APLP2: variants seen among roughly 807,000 people sequenced by gnomAD.
The protein encoded by APLP2 is CDEI box-binding protein.
Under a neutral mutation model 89.9 loss-of-function variants are expected in APLP2, and 53 were observed. That is an observed-to-expected ratio of 0.59 (90% CI 0.47 to 0.74). The LOEUF (loss-of-function observed/expected upper bound fraction) is 0.74, where lower values mean the gene tolerates loss of function less well. Ranked by LOEUF, APLP2 falls within the 30% of genes least tolerant of loss-of-function variation. The pLI is 0.00. For synonymous variants in APLP2, 372 were observed against 348.6 expected (o/e 1.07, Z -0.75); for missense variants, 973 against 975.9 (o/e 1.00, Z 0.04).
At chr11:130,132,336 A>G (rs1565598285) in intron 11 of APLP2, among the ~76,000 whole-genome samples, 1 of 152,240 alleles carries the variant, frequency 6.6e-6, no homozygotes. Flanking sequence ...TCAGTCTACA[A>G]TAAAAGCATC....
intron 1 of APLP2, among the ~76,000 whole-genome samples, chr11:130,094,044 C>T (rs1427029058): frequency 2.7e-5 from 4 of 145,580 alleles, no homozygotes; most frequent in Admixed American, 6.8e-5. Context: ...CACTCCCGGC[C>T]GTATTTTTTT....
chr11:130,121,647 T>A lies in APLP2; in HGVS notation c.550T>A (p.Tyr184Asn), dbSNP rs770454146. 2 of 1,614,162 alleles carry A rather than the reference T, an allele frequency of 1.2e-6. No homozygotes were observed. Among genetic ancestry groups the A allele is most frequent in the Admixed American group, 3.3e-5 (2 of 60,024 alleles). The stretch of plus-strand genomic sequence containing the variant: ...GACTCAGGGAATGACCTTATATAGC[T>A]ACGGCATGCTGCTCCCATGTGGGGT... ...CLTQGMTLYS[Y>N]GMLLPCGVDQ... Residue 184 changes from tyrosine (Y) to asparagine (N), a missense_variant, in exon 5 of 17, where the codon TAC becomes AAC. By Grantham distance (143) the Tyr-to-Asn change is moderately radical. Transcript: ENST00000338167.
chr11:130,135,132 G>T (rs1264979950), intron 12 of APLP2, among the ~76,000 whole-genome samples: 1 of 149,752 alleles, frequency 6.7e-6, no homozygotes, highest in Admixed American at 6.6e-5. Context: ...ACAGCATGAG[G>T]ACTGTAGTTA....
At chr11:130,140,559 C>G (rs1177719437) in intron 14 of APLP2, 76 bp downstream of exon 14, 2 of 1,233,764 alleles carry the variant, frequency 1.6e-6, no homozygotes, top group East Asian at 2.5e-5. Context: ...ATGTCAGATG[C>G]TTCCAGGTGC....
rs892125341 is a variant in APLP2, at chr11:130,143,460, C to T, written c.*12C>T. ...AGATGCAGATTTAGGTGGCAGGGAGCGCGGCAGCCCTGGCGGAGGGATGCA... is the reference window on the plus strand; with the variant it reads ...AGATGCAGATTTAGGTGGCAGGGAGTGCGGCAGCCCTGGCGGAGGGATGCA... On this transcript the variant is annotated 3_prime_UTR_variant, in exon 17 of 17. Coordinates refer to ENST00000338167, the MANE Select transcript of APLP2 (RefSeq NM_001142276.2). The T allele has an allele frequency of 9.3e-6, 15 of 1,606,256 alleles. No homozygotes were observed. The highest frequency in any genetic ancestry group is 2.2e-5 in the East Asian group (1 of 44,830).
intron 1 of APLP2, among the ~76,000 whole-genome samples, chr11:130,083,026 CTTTTTTTTTTTT>C (rs553962550): frequency 5.5e-5 from 4 of 72,524 alleles, no homozygotes; most frequent in East Asian, 4.7e-4. Context: ...CTTTTCTTTT[CTTTTTTTTTTTT>C]TTTTTTTTTT....
intron 13 of APLP2, chr11:130,137,145 G>T: frequency 3.1e-6 from 3 of 977,328 alleles, no homozygotes; most frequent in South Asian, 2.8e-5. Context: ...AATACTTTTT[G>T]TTCACATTAT....
At chr11:130,134,791 A>G (rs115570615) in intron 12 of APLP2, among the ~76,000 whole-genome samples, 13,703 of 152,188 alleles carry the variant, frequency 0.09, 738 homozygotes, top group Admixed American at 0.12. Context: ...GGCTGCGCCC[A>G]GGGCTGCGTG....
chr11:130,073,409 G>T (rs1941492522), intron 1 of APLP2, among the ~76,000 whole-genome samples: 1 of 152,178 alleles, frequency 6.6e-6, no homozygotes, highest in Non-Finnish European at 1.5e-5. Context: ...TTTATTAGCA[G>T]AATTTTTTAA....
intron 1 of APLP2, among the ~76,000 whole-genome samples, chr11:130,099,197 G>A (rs866513810): frequency 1.3e-5 from 2 of 152,102 alleles, no homozygotes; most frequent in African/African-American, 4.8e-5. Flanking sequence ...GGTTTGCTTT[G>A]GAGTCACAGT....
rs190034250 is a variant in APLP2 at position 130,078,605 on chromosome 11, C to T, written c.105+8523C>T. On this transcript the variant is annotated intron_variant, in intron 1 of 16. Coordinates refer to ENST00000338167, the MANE Select transcript of APLP2 (RefSeq NM_001142276.2). Reference sequence around the variant, plus strand: ...TGGGGAACTTTATTTTTTTGCCTTTCGCTTTTGGAGCTATAATTTATCTGG... The same window carrying T: ...TGGGGAACTTTATTTTTTTGCCTTTTGCTTTTGGAGCTATAATTTATCTGG... 7.9e-5 allele frequency among the ~76,000 whole-genome samples: 12 copies of T among 151,938 alleles called. No individual in the cohort carries two copies. The East Asian group carries it at 1.2e-3, about 15-fold the overall frequency.
At chr11:130,091,375 C>T (rs1945128918) in intron 1 of APLP2, among the ~76,000 whole-genome samples, 1 of 148,464 alleles carries the variant, frequency 6.7e-6, no homozygotes, top group Non-Finnish European at 1.5e-5. Flanking sequence ...GGCCGACCCC[C>T]CTACCTCCCT....
In APLP2 at chr11:130,069,913, T is replaced by C; in HGVS notation, c.-65T>C. 8.1e-7 allele frequency: 1 copy of C among 1,235,352 alleles called. No homozygotes were observed. 76.5% of individuals were successfully genotyped at this position (1,235,352 alleles called of 1,614,324 possible). On this transcript the variant is annotated 5_prime_UTR_variant, in exon 1 of 17. Coordinates refer to ENST00000338167, the MANE Select transcript of APLP2 (RefSeq NM_001142276.2). Reference sequence around the variant, plus strand: ...GGCTTTAGATGCTTCTGGGTCGCGGTGTGCTAAGCGAGGAGTCCGAGTGTG... The same window carrying C: ...GGCTTTAGATGCTTCTGGGTCGCGGCGTGCTAAGCGAGGAGTCCGAGTGTG...
chr11:130,098,667 TAAA>T (rs1212450632), intron 1 of APLP2, among the ~76,000 whole-genome samples: 1 of 152,210 alleles, frequency 6.6e-6, no homozygotes, highest in African/African-American at 2.4e-5. Context: ...TGGAATATTT[TAAA>T]AAGAAGTGTA....
chr11:130,118,789 G>C (rs1045531020), intron 3 of APLP2, among the ~76,000 whole-genome samples: 6 of 152,146 alleles, frequency 3.9e-5, no homozygotes, highest in African/African-American at 1.2e-4. Context: ...AGAGCCTTTG[G>C]GGTCCTCAAG....
intron 3 of APLP2, among the ~76,000 whole-genome samples, chr11:130,115,367 G>A (rs1298013536): frequency 1.3e-5 from 2 of 152,146 alleles, no homozygotes; most frequent in African/African-American, 4.8e-5. Flanking sequence ...GCTTCCTCAA[G>A]TAGGTAAACA....
rs1948426397 is a variant in APLP2, at chr11:130,110,604, T to G, written c.346T>G (p.Cys116Gly). Residue 116 changes from cysteine to glycine, a missense_variant, in exon 3 of 17, where the codon TGC becomes GGC. Transcript: ENST00000338167. ...ANQRVSIDNW[C>G]RRDKKQCKSR... ...CCAGCGGGTTAGTATTGACAACTGG[T>G]GCCGGAGGGACAAAAAGCAATGCAA... 6.2e-7 allele frequency: 1 copy of G among 1,613,804 alleles called. No homozygotes were observed. The highest frequency in any genetic ancestry group is 1.7e-5 in the Admixed American group (1 of 59,980).
chr11:130,118,311 G>A (rs1444778617), intron 3 of APLP2, among the ~76,000 whole-genome samples: 2 of 152,150 alleles, frequency 1.3e-5, no homozygotes, highest in Non-Finnish European at 2.9e-5. Flanking sequence ...CCTACCAGGT[G>A]TCAGTTTCTG....
At chr11:130,116,812 A>G (rs751511215) in intron 3 of APLP2, among the ~76,000 whole-genome samples, 2 of 152,134 alleles carry the variant, frequency 1.3e-5, no homozygotes, top group East Asian at 1.9e-4. Context: ...TGTTGAATCA[A>G]AGAGTACTGT....
Sources: allele counts gnomAD v4.1 joint callset (sites outside exome capture counted in the v4.1 genomes callset), GRCh38; gene constraint gnomAD v4.1.1; transcripts MANE v1.5; gene names NCBI Gene and HGNC (gene_info 2026-07-23, HGNC 2026-07-21).